The following VPS9D1 variants were observed in gnomAD, a reference collection of about 807,000 sequenced individuals.
VPS9D1 encodes VPS9 domain-containing protein 1.
In VPS9D1, 78 loss-of-function variants were observed where a neutral mutation model predicts 75.8. The ratio of observed to expected loss-of-function variants is 1.03; its 90% confidence interval spans 0.86 to 1.24. VPS9D1 has a LOEUF of 1.24. VPS9D1 is among the 50% of genes most tolerant of loss of function. VPS9D1 has a pLI of 0.00. For synonymous variants in VPS9D1, 481 were observed against 385.6 expected, an observed-to-expected ratio of 1.25 and a Z score of -2.90; for missense variants, 1,057 against 847.7, an observed-to-expected ratio of 1.25 and a Z score of -3.07.
chr16:89,712,048 T>C lies in VPS9D1; in HGVS notation c.658A>G (p.Arg220Gly). The change falls in exon 7 of 15, where the codon AGG becomes GGG. Residue 220 changes from arginine (R) to glycine (G), a missense_variant and splice_region_variant. By Grantham distance (125) the Arg-to-Gly change is moderately radical. Coordinates refer to ENST00000389386, the MANE Select transcript of VPS9D1 (RefSeq NM_004913.3). Reference protein sequence around the residue: ...RRLRLQEAANRRFCSQVALTP... With the variant: ...RRLRLQEAANGRFCSQVALTP... ...CCCAGGGGCGGGCAGGAGTCCCACC[T>C]GTTGGCGGCCTCCTGGAGCCGCAGC... 6.5e-7 allele frequency: 1 copy of C among 1,548,868 alleles called. No homozygotes were observed. The highest frequency in any genetic ancestry group is 1.2e-5 in the South Asian group (1 of 83,990).
Position 89,712,668 on chromosome 16 carries a change from C to T in VPS9D1, c.480G>A (p.Lys160=), listed in dbSNP as rs1350093279. 5.0e-6 allele frequency: 8 copies of T among 1,612,148 alleles called. No individual in the cohort carries two copies. The East Asian group carries it at 1.8e-4, about 36-fold the overall frequency. The change falls in exon 5 of 15, where the codon AAG becomes AAA. Residue 160 remains lysine (K), a synonymous_variant. Coordinates refer to ENST00000389386, the MANE Select transcript of VPS9D1 (RefSeq NM_004913.3). The part of the protein sequence containing the change: ...EEASLQNQKL[K]AAYEARMARL... ...GCGCCATTCGGGCCTCATACGCAGC[C>T]TTCAGCTTCTGATTCTGCAGGGAGG... is the stretch of plus-strand genomic sequence containing the variant.
In VPS9D1 at chr16:89,720,750, C is replaced by A. The variant is rs995451064; in HGVS notation, c.99+13G>T. 9.7e-6 allele frequency: 14 copies of A among 1,438,618 alleles called. No homozygotes were observed. Among genetic ancestry groups the A allele is most frequent in the Non-Finnish European group, 1.2e-5 (13 of 1,092,778 alleles). 89.1% of individuals were successfully genotyped at this position (1,438,618 alleles called of 1,614,324 possible). ...ACCCTCAGCGGCCAAGCCCCGCCCC[C>A]GCCCCGCCTCACCCGGGGCCGGTTG... is the stretch of plus-strand genomic sequence containing the variant. On this transcript the variant is annotated intron_variant, in intron 1 of 14. Transcript: ENST00000389386.
At chr16:89,712,786 T>C (rs1350218698) in intron 4 of VPS9D1, 70 bp from the exon 5 acceptor site, 20 of 1,343,814 alleles carry the variant, frequency 1.5e-5, no homozygotes, top group Non-Finnish European at 1.9e-5. Flanking sequence ...GAGGAGTCTC[T>C]CTCATCCTCC....
chr16:89,711,500 AC>A, intron 8 of VPS9D1, 88 bp from the exon 9 acceptor site: 1 of 1,309,228 alleles, frequency 7.6e-7, no homozygotes, highest in Non-Finnish European at 1.0e-6. Flanking sequence ...ACCCCTAGAG[AC>A]TGTGGGAGCC....
At chr16:89,716,152 G>A (rs1277441968) in intron 4 of VPS9D1, among the ~76,000 whole-genome samples, 1 of 152,046 alleles carries the variant, frequency 6.6e-6, no homozygotes, top group East Asian at 2.0e-4. Flanking sequence ...GCATCACGAG[G>A]TCAGGAGATC....
At position 89,709,275 on chromosome 16, in the gene VPS9D1, C is replaced by G. The variant is rs1267724404; in HGVS notation, c.1549G>C (p.Gly517Arg). ...YPYCAAAQEL[G>R]LLVLESCPQK... is the part of the protein sequence containing the mutation. The stretch of plus-strand genomic sequence containing the variant: ...GGGCAGCTCTCCAGGACCAGCAGTC[C>G]GAGCTCCTGGGCCGCCGCGCAGTAG... Residue 517 changes from glycine to arginine, a missense_variant, in exon 12 of 15, where the codon GGA (glycine) becomes CGA (arginine). Gly to Arg is a moderately radical substitution (Grantham distance 125). Transcript: ENST00000389386. 4.3e-6 allele frequency: 7 copies of G among 1,611,132 alleles called. No homozygotes were observed. The highest frequency in any genetic ancestry group is 5.9e-6 in the Non-Finnish European group (7 of 1,179,714).
rs776117646 is a variant in VPS9D1 at position 89,710,612 on chromosome 16, G to A, written c.1232C>T (p.Ala411Val). The change falls in exon 10 of 15, where the codon GCG becomes GTG. Residue 411 changes from alanine to valine, a missense_variant. Transcript: ENST00000389386. The part of the protein sequence containing the change: ...PEPQLQQLKT[A>V]VEEIHNAVDR... ...TACGGCATTGTGGATCTCCTCCACC[G>A]CGGTCTTCAGCTGCTGCAGCTGGGG... is the stretch of plus-strand genomic sequence containing the variant. The A allele has an allele frequency of 3.4e-5, 55 of 1,606,878 alleles. No homozygotes were observed. Among genetic ancestry groups the A allele is most frequent in the South Asian group, 1.8e-4 (16 of 90,924 alleles).
chr16:89,711,780 CA>C (rs1421928427), intron 8 of VPS9D1, 101 bp downstream of exon 8: 1 of 1,363,246 alleles, frequency 7.3e-7, no homozygotes, highest in Non-Finnish European at 9.9e-7. Context: ...CTGCCCCCCA[CA>C]GCCTCTGGCT....
Position 89,709,471 on chromosome 16 carries a change from G to A in VPS9D1, c.1389-36C>T, listed in dbSNP as rs372760584. 28 of 1,491,522 alleles carry A rather than the reference G, an allele frequency of 1.9e-5. No homozygotes were observed. The African/African-American group carries it at 3.8e-4, about 20-fold the overall frequency. The allele number at this position is 1,491,522 out of a possible 1,614,324, so 92.4% of individuals were successfully genotyped here. A position where few individuals can be genotyped will look rare whatever the true frequency, so the allele number is the denominator to read the frequency against. On this transcript the variant is annotated intron_variant, in intron 11 of 14. Transcript: ENST00000389386. ...GAGAGGCCAGGCTAAGCTGCCCCAG[G>A]GACCTTGCCCTGGGGACAGAAGCAG... is the stretch of plus-strand genomic sequence containing the variant.
chr16:89,711,526 G>A (rs2060920618), intron 8 of VPS9D1, 114 bp from the exon 9 acceptor site: 2 of 1,065,718 alleles, frequency 1.9e-6, no homozygotes, highest in East Asian at 2.7e-5. Flanking sequence ...CTGGGGTGCA[G>A]GAGACCCAGC....
Position 89,710,708 on chromosome 16 carries a change from G to T in VPS9D1, c.1136C>A (p.Ser379Ter), listed in dbSNP as rs1335441736. 3 of 1,606,182 alleles carry T rather than the reference G, an allele frequency of 1.9e-6. No individual in the cohort carries two copies. The highest frequency in any genetic ancestry group is 2.5e-6 in the Non-Finnish European group (3 of 1,177,002). The stretch of plus-strand genomic sequence containing the variant: ...CAGGAACTGCTCCAGGTCCTCGAAC[G>T]AGCTGTCCTTGTCTGGCAATCCAGA... ...TASGLPDKDS[S>*]FEDLEQFLGT... The change falls in exon 10 of 15, where the codon TCG becomes TAG. Residue 379 changes from serine to a stop codon, truncating the protein, a stop_gained. Coordinates refer to ENST00000389386, the MANE Select transcript of VPS9D1 (RefSeq NM_004913.3). LOFTEE classifies it high-confidence loss of function.
chr16:89,713,120 AGCCGAGATCTG>A (rs907370512), intron 4 of VPS9D1: 5 of 155,116 alleles, frequency 3.2e-5, no homozygotes, highest in African/African-American at 1.2e-4. Flanking sequence ...TGATGCAGTG[AGCCGAGATCTG>A]GCCACTGCAC....
In VPS9D1 at chr16:89,707,802, G is replaced by C; in HGVS notation, c.*59C>G. ...AGTAGATCCCATGGCTCCAGGTGTA[G>C]GAGAGACAGCCCTGGGAGGCGAGGC... On this transcript the variant is annotated 3_prime_UTR_variant, in exon 15 of 15. Transcript: ENST00000389386. The C allele has an allele frequency of 1.3e-6, 2 of 1,499,276 alleles. No homozygotes were observed. Among genetic ancestry groups the C allele is most frequent in the Non-Finnish European group, 9.3e-7 (1 of 1,079,362 alleles). The allele number at this position is 1,499,276 out of a possible 1,614,324, so 92.9% of individuals were successfully genotyped here. A position where few individuals can be genotyped will look rare whatever the true frequency, so the allele number is the denominator to read the frequency against.
chr16:89,707,964 T>C lies in VPS9D1; in HGVS notation c.1803-10A>G. 2 of 1,611,238 alleles carry C rather than the reference T, an allele frequency of 1.2e-6. No individual in the cohort carries two copies. The highest frequency in any genetic ancestry group is 1.7e-6 in the Non-Finnish European group (2 of 1,178,488). Reference sequence around the variant, plus strand: ...CTCTCCGATCAGGTACCTGCATGGATGGCAGGGGCAGCCGGTGTCATCTGA... The same window carrying C: ...CTCTCCGATCAGGTACCTGCATGGACGGCAGGGGCAGCCGGTGTCATCTGA... On this transcript the variant is annotated splice_polypyrimidine_tract_variant and intron_variant, in intron 14 of 14. Transcript: ENST00000389386.
Position 89,712,643 on chromosome 16 carries a change from G to A in VPS9D1, c.505C>T (p.Arg169Trp), listed in dbSNP as rs772036317. Residue 169 changes from arginine (R) to tryptophan (W), a missense_variant, in exon 5 of 15, where the codon CGG becomes TGG. By Grantham distance (101) the Arg-to-Trp change is moderately radical (BLOSUM62 -3). Transcript: ENST00000389386. ...TGCATGGCCTGGCTGGGGTCTAGCC[G>A]CGCCATTCGGGCCTCATACGCAGCC... ...LKAAYEARMA[R>W]LDPSQAMQKT... 3 of 1,611,396 alleles carry A rather than the reference G, an allele frequency of 1.9e-6. No homozygotes were observed. The highest frequency in any genetic ancestry group is 2.5e-6 in the Non-Finnish European group (3 of 1,178,612).
At chr16:89,711,753 C>A in intron 8 of VPS9D1, 129 bp downstream of exon 8, 3 of 1,185,270 alleles carry the variant, frequency 2.5e-6, no homozygotes, top group Non-Finnish European at 2.3e-6. Flanking sequence ...CCACGGGCCT[C>A]TGGCCCCGCC....
At position 89,716,767 on chromosome 16, in the gene VPS9D1, C is replaced by T; in HGVS notation, c.231G>A (p.Gln77=). ...DTSKMLKLAQ[Q]CLERAQSTAA... The stretch of plus-strand genomic sequence containing the variant: ...CCGTCGACTGGGCCCTCTCCAGACA[C>T]TGCTGTGCTAGCTTCAGCATCTTGG... The change falls in exon 3 of 15, where the codon CAG becomes CAA. Residue 77 remains glutamine (Q), a synonymous_variant. Transcript: ENST00000389386. The T allele has an allele frequency of 6.3e-7, 1 of 1,595,280 alleles. No homozygotes were observed. Among genetic ancestry groups the T allele is most frequent in the Non-Finnish European group, 8.5e-7 (1 of 1,174,010 alleles).
At chr16:89,708,662 C>T in intron 13 of VPS9D1, 131 bp from the exon 14 acceptor site, 1 of 1,153,744 alleles carries the variant, frequency 8.7e-7, no homozygotes, top group Non-Finnish European at 1.2e-6. Context: ...CACCGGAAGG[C>T]AGCTGGGCAT....
In VPS9D1 at chr16:89,709,478, G is replaced by C. The variant is rs746562143; in HGVS notation, c.1389-43C>G. On this transcript the variant is annotated intron_variant, in intron 11 of 14. Coordinates refer to ENST00000389386, the MANE Select transcript of VPS9D1 (RefSeq NM_004913.3). ...CAGGCTAAGCTGCCCCAGGGACCTT[G>C]CCCTGGGGACAGAAGCAGGGCTGTG... 12 of 1,480,748 alleles carry C rather than the reference G, an allele frequency of 8.1e-6. No homozygotes were observed. In the South Asian group the frequency reaches 1.6e-4, roughly 20 times the overall value. The allele number at this position is 1,480,748 out of a possible 1,614,324, so 91.7% of individuals were successfully genotyped here. A position where few individuals can be genotyped will look rare whatever the true frequency, so the allele number is the denominator to read the frequency against.
Sources: gnomAD v4.1 joint callset for allele counts (sites outside exome capture counted in the v4.1 genomes callset) on GRCh38, gnomAD v4.1.1 for gene constraint, MANE v1.5 for transcripts, NCBI Gene and HGNC (gene_info 2026-07-23, HGNC 2026-07-21) for gene names.